Variants in CCSER1 observed in about 807,000 individuals in gnomAD.
CCSER1 encodes the protein coiled-coil serine rich protein 1.
In CCSER1, 41 loss-of-function variants were observed where a neutral mutation model predicts 82.0. The observed-to-expected ratio is 0.50, with a 90% CI of 0.39 to 0.65. The LOEUF (loss-of-function observed/expected upper bound fraction) is 0.65, where lower values mean the gene tolerates loss of function less well. Ranked by LOEUF, CCSER1 falls within the 30% of genes least tolerant of loss-of-function variation. CCSER1 has a pLI of 0.00. For synonymous variants in CCSER1, 414 were observed against 383.9 expected, an observed-to-expected ratio of 1.08 and a Z score of -0.92; for missense variants, 1,119 against 1,064.2, an observed-to-expected ratio of 1.05 and a Z score of -0.72.
At chr4:91,188,322 C>T (rs1461996678) in intron 10 of CCSER1, among the ~76,000 whole-genome samples, 1 of 152,116 alleles carries the variant, frequency 6.6e-6, no homozygotes, top group African/African-American at 2.4e-5. Flanking sequence ...TAGTAGTAGT[C>T]ATTTTTCAGT....
intron 1 of CCSER1, among the ~76,000 whole-genome samples, chr4:90,188,957 C>A (rs1735128653): frequency 6.6e-6 from 1 of 151,786 alleles, no homozygotes; most frequent in South Asian, 2.1e-4. Flanking sequence ...TTGCTACACA[C>A]AATAAAGAGG....
At chr4:90,489,371 A>G (rs1380921297) in intron 5 of CCSER1, among the ~76,000 whole-genome samples, 2 of 152,198 alleles carry the variant, frequency 1.3e-5, no homozygotes, top group African/African-American at 2.4e-5. Flanking sequence ...ATTTTAAGAT[A>G]TACCCCTTTA....
At chr4:91,358,953 A>T (rs1459224330) in intron 10 of CCSER1, among the ~76,000 whole-genome samples, 2 of 152,096 alleles carry the variant, frequency 1.3e-5, no homozygotes, top group Non-Finnish European at 2.9e-5. Flanking sequence ...GGGAACCAAG[A>T]AATGTAGCAG....
At position 91,605,224 on chromosome 4, in the gene CCSER1, T is replaced by C. The variant is rs1764916932; in HGVS notation, c.*6167T>C. On this transcript the variant is annotated 3_prime_UTR_variant, in exon 11 of 11. Transcript: ENST00000509176. ...ATTTGGTTAATATTCTAAGAAAAGA[T>C]TGATATATTTAAGCATGGTGATTAG... 1 of 152,092 alleles carries C rather than the reference T, an allele frequency of 6.6e-6. No homozygotes were observed. Among genetic ancestry groups the C allele is most frequent in the Admixed American group, 6.6e-5 (1 of 15,252 alleles). The allele number at this position is 152,092 out of a possible 1,614,324, so 9.4% of individuals were successfully genotyped here. A position where few individuals can be genotyped will look rare whatever the true frequency, so the allele number is the denominator to read the frequency against.
At chr4:91,029,628 T>C (rs1740797304) in intron 9 of CCSER1, among the ~76,000 whole-genome samples, 1 of 152,066 alleles carries the variant, frequency 6.6e-6, no homozygotes, top group South Asian at 2.1e-4. Flanking sequence ...GAACTAATAA[T>C]TATAAAGGTC....
chr4:90,430,773 G>A (rs896830413), intron 4 of CCSER1, among the ~76,000 whole-genome samples: 1 of 151,848 alleles, frequency 6.6e-6, no homozygotes, highest in Non-Finnish European at 1.5e-5. Flanking sequence ...ATTGCAAGTA[G>A]AAATAACAAA....
chr4:90,413,806 G>A (rs1363864724), intron 4 of CCSER1, among the ~76,000 whole-genome samples: 1 of 149,552 alleles, frequency 6.7e-6, no homozygotes, highest in Non-Finnish European at 1.5e-5. Flanking sequence ...AAAATTAGCC[G>A]CGCGTAGTGG....
chr4:90,408,329 T>A (rs1399055110), intron 4 of CCSER1, among the ~76,000 whole-genome samples: 1 of 152,218 alleles, frequency 6.6e-6, no homozygotes, highest in African/African-American at 2.4e-5. Flanking sequence ...ATGGGCAGAC[T>A]GCCTCCTCAA....
chr4:90,451,473 A>G (rs772427432), intron 4 of CCSER1, among the ~76,000 whole-genome samples: 13 of 152,162 alleles, frequency 8.5e-5, no homozygotes, highest in Non-Finnish European at 1.8e-4. Context: ...CTGTTTGACC[A>G]TTTTTAGCAG....
At chr4:90,666,606 A>G (rs1731828785) in intron 6 of CCSER1, among the ~76,000 whole-genome samples, 3 of 152,184 alleles carry the variant, frequency 2.0e-5, no homozygotes, top group Admixed American at 1.3e-4. Context: ...CAGGCTATGG[A>G]GTGGTGATAA....
Position 91,076,685 on chromosome 4 carries a change from C to T in CCSER1, c.2173-9265C>T, listed in dbSNP as rs142172914. 5.7e-3 allele frequency among the ~76,000 whole-genome samples: 864 copies of T among 152,194 alleles called. 7 individuals are homozygous for T. The highest frequency in any genetic ancestry group is 0.014 in the Middle Eastern group (4 of 294). Reference sequence around the variant, plus strand: ...GTTTCTATTCATGAAGGAGTTACATCTGTAAGTCTTGTCTTCCAGCTTTCA... The same window carrying T: ...GTTTCTATTCATGAAGGAGTTACATTTGTAAGTCTTGTCTTCCAGCTTTCA... On this transcript the variant is annotated intron_variant, in intron 9 of 10. Transcript: ENST00000509176.
intron 10 of CCSER1, among the ~76,000 whole-genome samples, chr4:91,557,092 CTT>C (rs933754313): frequency 2.8e-4 from 42 of 148,124 alleles, no homozygotes; most frequent in African/African-American, 1.0e-3. Flanking sequence ...GGAGGTTACA[CTT>C]TGAAATTCTT....
chr4:91,223,285 C>A (rs1689661217), intron 10 of CCSER1, among the ~76,000 whole-genome samples: 1 of 151,896 alleles, frequency 6.6e-6, no homozygotes, highest in African/African-American at 2.4e-5. Flanking sequence ...ATTTTGAAGA[C>A]ATGTCTGAAA....
chr4:91,019,943 A>G (rs1263293212), intron 9 of CCSER1, among the ~76,000 whole-genome samples: 1 of 152,236 alleles, frequency 6.6e-6, no homozygotes, highest in Non-Finnish European at 1.5e-5. Context: ...TTTAATAGCC[A>G]TTAAAGAAGA....
chr4:90,418,195 G>A (rs2153559372), intron 4 of CCSER1, among the ~76,000 whole-genome samples: 1 of 152,074 alleles, frequency 6.6e-6, no homozygotes, highest in Non-Finnish European at 1.5e-5. Flanking sequence ...ATAAGTTAAA[G>A]CTTTGTAGAA....
At chr4:90,565,960 A>C (rs1340976165) in intron 5 of CCSER1, among the ~76,000 whole-genome samples, 1 of 150,990 alleles carries the variant, frequency 6.6e-6, no homozygotes, top group East Asian at 1.9e-4. Context: ...TCCCGGGTTC[A>C]AGTGATTCTC....
chr4:91,298,213 T>C (rs1297650548), intron 10 of CCSER1, among the ~76,000 whole-genome samples: 3 of 152,040 alleles, frequency 2.0e-5, no homozygotes, highest in Non-Finnish European at 4.4e-5. Flanking sequence ...TATTAGATAC[T>C]ACTTAAATTG....
intron 9 of CCSER1, among the ~76,000 whole-genome samples, chr4:91,045,862 G>T (rs1369534072): frequency 6.6e-6 from 1 of 151,812 alleles, no homozygotes; most frequent in Non-Finnish European, 1.5e-5. Flanking sequence ...TCACCTGGGT[G>T]CAGGTGGGCT....
At chr4:90,462,334 C>A (rs1056137289) in intron 4 of CCSER1, among the ~76,000 whole-genome samples, 3 of 152,150 alleles carry the variant, frequency 2.0e-5, no homozygotes, top group Admixed American at 1.3e-4. Context: ...AGCTGACTAT[C>A]AGGCAGAGCA....
Sources: allele counts gnomAD v4.1 joint callset (sites outside exome capture counted in the v4.1 genomes callset), GRCh38; gene constraint gnomAD v4.1.1; transcripts MANE v1.5; gene names NCBI Gene and HGNC (gene_info 2026-07-23, HGNC 2026-07-21).